Variants in SLC35C1 observed in about 807,000 individuals in gnomAD.
SLC35C1 encodes the protein GDP-fucose transporter 1.
A neutral mutation model predicts 23.2 loss-of-function variants in SLC35C1; 8 were observed. The ratio of observed to expected loss-of-function variants is 0.35; its 90% CI spans 0.20 to 0.62. The LOEUF is 0.62. Among genes scored for constraint, SLC35C1 ranks in the 20% least tolerant of loss-of-function variants. The pLI, the probability that SLC35C1 is intolerant of heterozygous loss-of-function variation, is 0.75. For synonymous variants in SLC35C1, 226 were observed against 225.1 expected, an observed-to-expected ratio of 1.00 and a Z score of -0.04; for missense variants, 422 against 478.6, an observed-to-expected ratio of 0.88 and a Z score of 1.10.
rs114759913 is a variant in SLC35C1, at chr11:45,810,345, C to G, written c.536-431C>G. On this transcript the variant is annotated intron_variant, in intron 1 of 1. Coordinates refer to ENST00000314134, the MANE Select transcript of SLC35C1 (RefSeq NM_018389.5). ...TCATTTACGCAGGGTCACCTTAAAT[C>G]ACATTAACCACTAAGTGGCACTCAT... 5,633 of 985,438 alleles carry G rather than the reference C, an allele frequency of 5.7e-3. 244 individuals carry two copies. In the African/African-American group the frequency reaches 0.092, roughly 16 times the overall value. 61.0% of individuals were successfully genotyped at this position (985,438 alleles called of 1,614,324 possible).
rs955514015 is a variant in SLC35C1 at position 45,811,505 on chromosome 11, T to C, written c.*170T>C. The C allele has an allele frequency of 9.4e-6, 5 of 530,728 alleles. No individual in the cohort carries two copies. Among genetic ancestry groups the C allele is most frequent in the South Asian group, 4.0e-5 (1 of 25,242 alleles). The allele number at this position is 530,728 out of a possible 1,614,324, so 32.9% of individuals were successfully genotyped here. ...TTGAGAAGGAACCAGTGTTTACAAG[T>C]AATATCAGAAAGTTGAAGGAACCAG... On this transcript the variant is annotated 3_prime_UTR_variant, in exon 2 of 2. Transcript: ENST00000314134.
At position 45,810,798 on chromosome 11, in the gene SLC35C1, C is replaced by T. The variant is rs2085930380; in HGVS notation, c.558C>T (p.Asp186=). 1.9e-6 allele frequency: 3 copies of T among 1,612,728 alleles called. No individual in the cohort carries two copies. The highest frequency in any genetic ancestry group is 2.5e-6 in the Non-Finnish European group (3 of 1,179,862). The part of the protein sequence containing the change: ...IIIGGFWLGV[D]QEGAEGTLSW... ...CAGGGGGCTTCTGGCTTGGTGTGGA[C>T]CAGGAGGGGGCAGAAGGCACCCTGT... The change falls in exon 2 of 2, where the codon GAC becomes GAT. Residue 186 remains aspartate (D), a synonymous_variant. Transcript: ENST00000314134.
At chr11:45,809,949 A>G (rs2085920104) in intron 1 of SLC35C1, 1 of 985,050 alleles carries the variant, frequency 1.0e-6, no homozygotes, top group African/African-American at 1.7e-5. Flanking sequence ...TCAGGAAAGG[A>G]TTCCCCAGGA....
In SLC35C1 at chr11:45,805,229, C is replaced by T; in HGVS notation, c.-573C>T. On this transcript the variant is annotated 5_prime_UTR_variant, in exon 1 of 2. Coordinates refer to ENST00000314134, the MANE Select transcript of SLC35C1 (RefSeq NM_018389.5). ...GAGACGTGGGCGCCGGCCCAGCCCC[C>T]TCCCGCGTCCTTCAGCCCCAAGCCC... is the stretch of plus-strand genomic sequence containing the variant. 1.0e-6 allele frequency: 1 copy of T among 996,064 alleles called. No homozygotes were observed. The highest frequency in any genetic ancestry group is 1.2e-6 in the Non-Finnish European group (1 of 835,426). The allele number at this position is 996,064 out of a possible 1,614,324, so 61.7% of individuals were successfully genotyped here.
chr11:45,805,000 A>T (rs1326185942), upstream of SLC35C1: 14 of 985,676 alleles, frequency 1.4e-5, no homozygotes, highest in Non-Finnish European at 1.7e-5. Context: ...AGCAGCGGGC[A>T]GCGGAGCGCA....
chr11:45,810,676 A>G lies in SLC35C1; in HGVS notation c.536-100A>G, dbSNP rs1016639676. ...GGGGAGGAACGGGGAGGGCCGCAAT[A>G]CTCAGTCTGTGAAATTTGGTGTCTG... On this transcript the variant is annotated intron_variant, in intron 1 of 1. Transcript: ENST00000314134. The G allele has an allele frequency of 1.2e-5, 18 of 1,496,844 alleles. No homozygotes were observed. The African/African-American group carries it at 1.8e-4, about 15-fold the overall frequency. 92.7% of individuals were successfully genotyped at this position (1,496,844 alleles called of 1,614,324 possible). A position where few individuals can be genotyped will look rare whatever the true frequency, so the allele number is the denominator to read the frequency against.
chr11:45,806,224 C>T lies in SLC35C1; in HGVS notation c.423C>T (p.Ala141=), dbSNP rs1490744662. The part of the protein sequence containing the change: ...NNLCLKYVGV[A]FYNVGRSLTT... ...TCTGCCTCAAGTACGTCGGTGTGGC[C>T]TTCTACAATGTGGGCCGCTCACTCA... is the stretch of plus-strand genomic sequence containing the variant. The change falls in exon 1 of 2, where the codon GCC becomes GCT. Residue 141 remains alanine (A), a synonymous_variant. Coordinates refer to ENST00000314134, the MANE Select transcript of SLC35C1 (RefSeq NM_018389.5). 1.2e-6 allele frequency: 2 copies of T among 1,606,960 alleles called. No individual in the cohort carries two copies. The highest frequency in any genetic ancestry group is 1.3e-5 in the African/African-American group (1 of 74,914).
At chr11:45,807,005 G>A (rs2085885083) in intron 1 of SLC35C1, 1 of 569,498 alleles carries the variant, frequency 1.8e-6, no homozygotes, top group Non-Finnish European at 2.2e-6. Flanking sequence ...TATTGATGGG[G>A]AAATTATGCT....
rs76564550 is a variant in SLC35C1, at chr11:45,812,290, C to A, written c.*955C>A. The A allele has an allele frequency of 0.053, 17,766 of 337,346 alleles. 701 individuals carry two copies. The highest frequency in any genetic ancestry group is 0.13 in the South Asian group (5,523 of 41,622). 20.9% of individuals were successfully genotyped at this position (337,346 alleles called of 1,614,324 possible). On this transcript the variant is annotated 3_prime_UTR_variant, in exon 2 of 2. Transcript: ENST00000314134. ...TGTGTCTGGCGCCCCTAGATCTCTGCAAGGGAGGTGTTACAGCTGGTTCTG... is the reference window on the plus strand; with the variant it reads ...TGTGTCTGGCGCCCCTAGATCTCTGAAAGGGAGGTGTTACAGCTGGTTCTG...
rs1012882992 is a variant in SLC35C1, at chr11:45,812,861, T to C, written c.*1526T>C. The stretch of plus-strand genomic sequence containing the variant: ...TGGTATGTCCTTTCTCTTGGGGTGA[T>C]TTCTGATGTTTTTACTCTATATAGT... On this transcript the variant is annotated 3_prime_UTR_variant, in exon 2 of 2. Transcript: ENST00000314134. 8.6e-6 allele frequency: 3 copies of C among 348,638 alleles called. No homozygotes were observed. The highest frequency in any genetic ancestry group is 6.6e-5 in the South Asian group (3 of 45,632). The allele number at this position is 348,638 out of a possible 1,614,324, so 21.6% of individuals were successfully genotyped here. A position where few individuals can be genotyped will look rare whatever the true frequency, so the allele number is the denominator to read the frequency against.
chr11:45,804,994 G>A, upstream of SLC35C1: 1 of 985,806 alleles, frequency 1.0e-6, no homozygotes, highest in Non-Finnish European at 1.2e-6. Context: ...CCCGCCAGCA[G>A]CGGGCAGCGG....
At chr11:45,808,034 G>A (rs936160469) in intron 1 of SLC35C1, among the ~76,000 whole-genome samples, 8 of 152,172 alleles carry the variant, frequency 5.3e-5, no homozygotes, top group Non-Finnish European at 2.9e-5. Flanking sequence ...GTGCATTCAC[G>A]GGCGTGCCTG....
upstream of SLC35C1, chr11:45,804,353 C>T (rs970878940): frequency 9.3e-6 from 4 of 430,324 alleles, no homozygotes; most frequent in Non-Finnish European, 1.2e-5. Flanking sequence ...CCCGCGGGCG[C>T]GGCCCAGGGT....
chr11:45,810,995 TTCAG>T lies in SLC35C1; in HGVS notation c.756_759del (p.Gln253ProfsTer16). 6.2e-7 allele frequency: 1 copy of T among 1,612,940 alleles called. No individual in the cohort carries two copies. Among genetic ancestry groups the T allele is most frequent in the Non-Finnish European group, 8.5e-7 (1 of 1,180,022 alleles). On this transcript the variant is annotated frameshift_variant, in exon 2 of 2. Coordinates refer to ENST00000314134, the MANE Select transcript of SLC35C1 (RefSeq NM_018389.5). LOFTEE classifies it high-confidence loss of function. ...CCCCTGCTCCTGCTGCTCGGGGAGCTTCAGGCCCTGCGTGACTTTGCCCAGCTGG... is the reference window on the plus strand; with the variant it reads ...CCCCTGCTCCTGCTGCTCGGGGAGCTGCCCTGCGTGACTTTGCCCAGCTGG...
Position 45,805,382 on chromosome 11 carries a change from C to T in SLC35C1, c.-420C>T, listed in dbSNP as rs2134588687. The T allele has an allele frequency of 9.9e-7, 1 of 1,011,724 alleles. No homozygotes were observed. The highest frequency in any genetic ancestry group is 1.2e-6 in the Non-Finnish European group (1 of 844,630). 62.7% of individuals were successfully genotyped at this position (1,011,724 alleles called of 1,614,324 possible). On this transcript the variant is annotated 5_prime_UTR_variant, in exon 1 of 2. Transcript: ENST00000314134. ...CGCCCATGACGCCCTCTCGGCACCTCTTCCCACTCTGCCACGCGTCCTTTT... is the reference window on the plus strand; with the variant it reads ...CGCCCATGACGCCCTCTCGGCACCTTTTCCCACTCTGCCACGCGTCCTTTT...
chr11:45,811,348 C>G lies in SLC35C1; in HGVS notation c.*13C>G. ...CATGGGGGTGTGAGCACCACAGGCACCCTGGATGGCCCGGCCCCGGGGCCC... is the reference window on the plus strand; with the variant it reads ...CATGGGGGTGTGAGCACCACAGGCAGCCTGGATGGCCCGGCCCCGGGGCCC... On this transcript the variant is annotated 3_prime_UTR_variant, in exon 2 of 2. Transcript: ENST00000314134. 5 of 1,486,826 alleles carry G rather than the reference C, an allele frequency of 3.4e-6. No individual in the cohort carries two copies. Among genetic ancestry groups the G allele is most frequent in the Non-Finnish European group, 4.4e-6 (5 of 1,128,812 alleles). 92.1% of individuals were successfully genotyped at this position (1,486,826 alleles called of 1,614,324 possible). A position where few individuals can be genotyped will look rare whatever the true frequency, so the allele number is the denominator to read the frequency against.
At chr11:45,810,316 G>T in intron 1 of SLC35C1, 1 of 985,410 alleles carries the variant, frequency 1.0e-6, no homozygotes, top group Non-Finnish European at 1.2e-6. Context: ...TTAGACACTG[G>T]AAGTCATTTA....
chr11:45,805,032 G>T, upstream of SLC35C1: 1 of 985,790 alleles, frequency 1.0e-6, no homozygotes, highest in Non-Finnish European at 1.2e-6. Flanking sequence ...GGGGACTGGC[G>T]AACTCCGCCT....
rs2085965202 is a variant in SLC35C1, at chr11:45,812,785, C to T, written c.*1450C>T. 5.0e-6 allele frequency: 2 copies of T among 402,028 alleles called. No individual in the cohort carries two copies. Among genetic ancestry groups the T allele is most frequent in the Non-Finnish European group, 1.0e-5 (2 of 199,126 alleles). 24.9% of individuals were successfully genotyped at this position (402,028 alleles called of 1,614,324 possible). ...CGGGGCCATACCACCCTTCACCACA[C>T]CCTCCTGCGCTCAGGGTGGCTTGCA... is the stretch of plus-strand genomic sequence containing the variant. On this transcript the variant is annotated 3_prime_UTR_variant, in exon 2 of 2. Coordinates refer to ENST00000314134, the MANE Select transcript of SLC35C1 (RefSeq NM_018389.5).
Sources: gnomAD v4.1 joint callset for allele counts (sites outside exome capture counted in the v4.1 genomes callset) on GRCh38, gnomAD v4.1.1 for gene constraint, MANE v1.5 for transcripts, NCBI Gene and HGNC (gene_info 2026-07-23, HGNC 2026-07-21) for gene names.